The following NCF2 variants were observed in gnomAD, a reference collection of about 807,000 sequenced individuals.
NCF2 encodes the protein neutrophil cytosol factor 2.
Under a neutral mutation model 70.9 loss-of-function variants are expected in NCF2, and 45 were observed. The observed-to-expected ratio is 0.63, with a 90% CI of 0.50 to 0.81. NCF2 has a LOEUF of 0.81. Among genes scored for constraint, NCF2 ranks in the 40% least tolerant of loss-of-function variants. The pLI is 0.00. For missense variants in NCF2, 522 were observed against 631.6 expected (o/e 0.83, Z 1.86); for synonymous variants, 203 against 233.6 (o/e 0.87, Z 1.19).
At chr1:183,596,556 G>A in the NCF2 span, among the ~76,000 whole-genome samples, 3 of 151,916 alleles carry the variant, frequency 2.0e-5, no homozygotes, top group Admixed American at 6.6e-5. Flanking sequence ...GGCGGATCAC[G>A]AGGTGAGGAG....
upstream of NCF2, among the ~76,000 whole-genome samples, chr1:183,591,481 CT>C (rs1336269208): frequency 0.017 from 2,343 of 137,860 alleles, 39 homozygotes; most frequent in African/African-American, 0.052. Context: ...CCTGAAATAA[CT>C]TTTTTTTTTT....
the NCF2 span, among the ~76,000 whole-genome samples, chr1:183,599,430 C>CTTTCTTTCTT: frequency 2.3e-5 from 2 of 85,558 alleles, no homozygotes; most frequent in African/African-American, 8.3e-5. Flanking sequence ...TTCCTTCTTT[C>CTTTCTTTCTT]TTTCTTTCTT....
the NCF2 span, among the ~76,000 whole-genome samples, chr1:183,599,423 C>CTTCTTTCTTTCCTTCTTTCT: frequency 9.3e-6 from 1 of 107,426 alleles, no homozygotes; most frequent in Non-Finnish European, 1.9e-5. Flanking sequence ...TCTTTCTTTC[C>CTTCTTTCTTTCCTTCTTTCT]TTCTTTCTTT....
the NCF2 span, among the ~76,000 whole-genome samples, chr1:183,601,256 T>G: frequency 2.0e-5 from 3 of 152,216 alleles, no homozygotes; most frequent in Non-Finnish European, 4.4e-5. Flanking sequence ...CAGTCTCTTA[T>G]CAGTACATAG....
chr1:183,559,139 A>C (rs1671926466), intron 14 of NCF2, among the ~76,000 whole-genome samples: 1 of 152,204 alleles, frequency 6.6e-6, no homozygotes, highest in African/African-American at 2.4e-5. Flanking sequence ...CTGAATCAGA[A>C]TCTCTGGAGG....
In NCF2 at chr1:183,565,409, C is replaced by G. The variant is rs4652813; in HGVS notation, c.1000+295G>C. ...ACTTCAACTTTTCTTCCTGAGACAT[C>G]GTTTCCCTACCTAATGATCAAGGGG... On this transcript the variant is annotated intron_variant, in intron 10 of 14. Coordinates refer to ENST00000367535, the MANE Select transcript of NCF2 (RefSeq NM_000433.4). Among the ~76,000 whole-genome samples, 132,999 of 152,240 alleles carry G rather than the reference C, an allele frequency of 0.87. 58,256 individuals carry two copies. Among genetic ancestry groups the G allele is most frequent in the East Asian group, 1 (5,174 of 5,184 alleles).
intron 10 of NCF2, among the ~76,000 whole-genome samples, chr1:183,564,380 G>C: frequency 6.6e-6 from 1 of 152,136 alleles, no homozygotes; most frequent in East Asian, 1.9e-4. Flanking sequence ...GTGAGCCAGA[G>C]GCCACAGGAA....
chr1:183,586,916 A>C lies in NCF2; in HGVS notation c.236T>G (p.Met79Arg). The C allele has an allele frequency of 6.2e-7, 1 of 1,614,062 alleles. No individual in the cohort carries two copies. Among genetic ancestry groups the C allele is most frequent in the South Asian group, 1.1e-5 (1 of 91,072 alleles). ...TTACTTCTCTGTCTGGTAGTAGAGC[A>C]TCCCTCGTTGGAAGTAAGCCACTGC... Reference protein sequence around the residue: ...HLAVAYFQRGMLYYQTEKYDL... With the variant: ...HLAVAYFQRGRLYYQTEKYDL... The change falls in exon 2 of 15, where the codon ATG becomes AGG. Residue 79 changes from methionine to arginine, a missense_variant. Physicochemically the swap from Met to Arg is moderately conservative, Grantham distance 91. Transcript: ENST00000367535.
chr1:183,556,112 A>G lies in NCF2; in HGVS notation c.*6T>C. 6.2e-7 allele frequency: 1 copy of G among 1,611,816 alleles called. No individual in the cohort carries two copies. The highest frequency in any genetic ancestry group is 8.5e-7 in the Non-Finnish European group (1 of 1,177,920). ...TTTTCTTCAGCTTTGTAGTTTGTGA[A>G]ACATCCTAGACTTCTCTCCGAGTGC... On this transcript the variant is annotated 3_prime_UTR_variant, in exon 15 of 15. Coordinates refer to ENST00000367535, the MANE Select transcript of NCF2 (RefSeq NM_000433.4).
chr1:183,567,370 AGCCCCCATCCCC>A, intron 7 of NCF2, 25 bp from the exon 8 acceptor site: 1 of 1,613,554 alleles, frequency 6.2e-7, no homozygotes, highest in East Asian at 2.2e-5. Flanking sequence ...CACAAGATCC[AGCCCCCATCCCC>A]TCACATGATG....
At chr1:183,573,994 G>A (rs1327615771) in intron 4 of NCF2, among the ~76,000 whole-genome samples, 1 of 152,228 alleles carries the variant, frequency 6.6e-6, no homozygotes, top group East Asian at 1.9e-4. Context: ...GGCGGCTGAG[G>A]CAGCAGAATT....
At position 183,590,418 on chromosome 1, in the gene NCF2, T is replaced by C. The variant is rs1201813941; in HGVS notation, c.-89A>G. The C allele has an allele frequency of 2.7e-6, 4 of 1,467,744 alleles. No homozygotes were observed. The highest frequency in any genetic ancestry group is 2.3e-5 in the East Asian group (1 of 43,640). 90.9% of individuals were successfully genotyped at this position (1,467,744 alleles called of 1,614,324 possible). Reference sequence around the variant, plus strand: ...GTCTCCCCTAGCAGGGCTGCCTTAGTGGCCCCCAAGGTGTTCACTTTCTGG... The same window carrying C: ...GTCTCCCCTAGCAGGGCTGCCTTAGCGGCCCCCAAGGTGTTCACTTTCTGG... On this transcript the variant is annotated 5_prime_UTR_variant, in exon 1 of 15. Transcript: ENST00000367535.
At chr1:183,599,415 TTTCTTTCC>T in the NCF2 span, among the ~76,000 whole-genome samples, 1,288 of 129,830 alleles carry the variant, frequency 9.9e-3, 8 homozygotes, top group Middle Eastern at 0.031. Flanking sequence ...TCTTTCTTTC[TTTCTTTCC>T]TTCTTTCTTT....
At chr1:183,560,695 C>T (rs573415036) in intron 13 of NCF2, among the ~76,000 whole-genome samples, 59 of 152,370 alleles carry the variant, frequency 3.9e-4, no homozygotes, top group African/African-American at 1.3e-3. Flanking sequence ...GAGCTCAGGC[C>T]AGTATACCTG....
At chr1:183,601,681 C>A in the NCF2 span, among the ~76,000 whole-genome samples, 2 of 151,906 alleles carry the variant, frequency 1.3e-5, no homozygotes, top group African/African-American at 2.4e-5. Context: ...CACGGTGAAA[C>A]CCCGTCTCTA....
chr1:183,594,305 G>A (rs773850158), upstream of NCF2, among the ~76,000 whole-genome samples: 1 of 152,154 alleles, frequency 6.6e-6, no homozygotes, highest in African/African-American at 2.4e-5. Context: ...CTTCTCAGGA[G>A]GCTAAGGTGG....
At chr1:183,564,199 T>G (rs865813634) in intron 10 of NCF2, 169 bp from the exon 11 acceptor site, 6 of 722,454 alleles carry the variant, frequency 8.3e-6, no homozygotes, top group African/African-American at 5.3e-5. Flanking sequence ...AATCTCGCCC[T>G]GGGGAAGCAT....
chr1:183,567,679 C>A (rs1032595977), intron 7 of NCF2, among the ~76,000 whole-genome samples: 1 of 152,122 alleles, frequency 6.6e-6, no homozygotes, highest in African/African-American at 2.4e-5. Flanking sequence ...CAAGGCTGGG[C>A]TGGGGTGGGG....
chr1:183,589,133 G>A (rs1243568497), intron 1 of NCF2, among the ~76,000 whole-genome samples: 1 of 152,190 alleles, frequency 6.6e-6, no homozygotes, highest in Non-Finnish European at 1.5e-5. Flanking sequence ...TCACTTCTCT[G>A]TCTTCCTGTC....
Sources: allele counts gnomAD v4.1 joint callset (sites outside exome capture counted in the v4.1 genomes callset), GRCh38; gene constraint gnomAD v4.1.1; transcripts MANE v1.5; gene names NCBI Gene and HGNC (gene_info 2026-07-23, HGNC 2026-07-21).